Variants in DYNC1H1 observed in about 807,000 individuals in gnomAD.
The protein encoded by DYNC1H1 is cytoplasmic dynein 1 heavy chain 1.
DYNC1H1 carries 51 observed loss-of-function variants against 527.1 expected under a neutral mutation model. The observed-to-expected ratio is 0.10, with a 90% CI of 0.08 to 0.12. The LOEUF is 0.12. Ranked by LOEUF, DYNC1H1 falls within the 10% of genes least tolerant of loss-of-function variation. The probability of loss-of-function intolerance (pLI) is 1.00; values close to 1 mark genes in which losing one functional copy is unlikely to be tolerated. For synonymous variants in DYNC1H1, 2,189 were observed against 2,278.8 expected (o/e 0.96, Z 1.12); for missense variants, 2,771 against 5,971.8 (o/e 0.46, Z 17.66).
Position 102,036,749 on chromosome 14 carries a change from G to A in DYNC1H1, c.10908+107G>A, listed in dbSNP as rs1278804148. 2.8e-6 allele frequency: 4 copies of A among 1,417,016 alleles called. No individual in the cohort carries two copies. The highest frequency in any genetic ancestry group is 2.3e-5 in the East Asian group (1 of 43,658). 87.8% of individuals were successfully genotyped at this position (1,417,016 alleles called of 1,614,324 possible). On this transcript the variant is annotated intron_variant, in intron 57 of 77. Coordinates refer to ENST00000360184, the MANE Select transcript of DYNC1H1 (RefSeq NM_001376.5). This position sits in a 1 kb window ranked among gnomAD's most constrained non-coding sequence, Gnocchi z 5.6. ...TGTAAGACTTCATTTTGTATCAGAAGGATAAAGCTTTGCGGTGGTTCTGTA... is the reference window on the plus strand; with the variant it reads ...TGTAAGACTTCATTTTGTATCAGAAAGATAAAGCTTTGCGGTGGTTCTGTA...
Position 101,994,881 on chromosome 14 carries a change from C to T in DYNC1H1, c.3333+32C>T, listed in dbSNP as rs17540908. On this transcript the variant is annotated intron_variant, in intron 13 of 77. Coordinates refer to ENST00000360184, the MANE Select transcript of DYNC1H1 (RefSeq NM_001376.5). ...CCTGCTGTCTGGTTGAAAGGTGTCA[C>T]GGGTAGTGTAAAAGCAACATTTCTG... The T allele has an allele frequency of 1.5e-5, 24 of 1,613,864 alleles. No homozygotes were observed. In the South Asian group the frequency reaches 1.5e-4, roughly 10 times the overall value.
intron 5 of DYNC1H1, among the ~76,000 whole-genome samples, chr14:101,982,116 G>A (rs755722349): frequency 1.3e-5 from 2 of 152,136 alleles, no homozygotes; most frequent in Non-Finnish European, 2.9e-5. Context: ...TCTCATAGGG[G>A]CGCAAACCCT....
In DYNC1H1 at chr14:102,047,637, G is replaced by GTACATATATATATATATATA. The variant is rs1311727690; in HGVS notation, c.13007-179_13007-178insACATATATATATATATATAT. On this transcript the variant is annotated intron_variant, in intron 72 of 77. Transcript: ENST00000360184. ...TATATACACGTGTGTGTGTGTGTGTGTGTGTATATATATATATATATATAT... is the reference window on the plus strand; with the variant it reads ...TATATACACGTGTGTGTGTGTGTGTGTACATATATATATATATATATGTGTATATATATATATATATATAT... 84 of 394,252 alleles carry GTACATATATATATATATATA rather than the reference G, an allele frequency of 2.1e-4. No individual in the cohort carries two copies. In the Admixed American group the frequency reaches 2.4e-3, roughly 11 times the overall value. The allele number at this position is 394,252 out of a possible 1,614,324, so 24.4% of individuals were successfully genotyped here.
In DYNC1H1 at chr14:102,016,040, A is replaced by G; in HGVS notation, c.7427A>G (p.His2476Arg). Reference sequence around the variant, plus strand: ...AACGTGGCGCAGTATAACGCCAACCATCCCGACTTCCCCATGCAGATCGAG... The same window carrying G: ...AACGTGGCGCAGTATAACGCCAACCGTCCCGACTTCCCCATGCAGATCGAG... ...CRNVAQYNANHPDFPMQIEQL... is the reference protein window; with the variant it reads ...CRNVAQYNANRPDFPMQIEQL... Residue 2476 changes from histidine to arginine, a missense_variant, in exon 36 of 78, where the codon CAT (histidine) becomes CGT (arginine). By Grantham distance (29) the His-to-Arg change is conservative. Transcript: ENST00000360184. The surrounding 1 kb of genome is among the most constrained non-coding windows in gnomAD (Gnocchi z 7.3). The G allele has an allele frequency of 6.2e-7, 1 of 1,613,436 alleles. No homozygotes were observed. Among genetic ancestry groups the G allele is most frequent in the Non-Finnish European group, 8.5e-7 (1 of 1,179,908 alleles).
intron 9 of DYNC1H1, among the ~76,000 whole-genome samples, chr14:101,988,258 C>T (rs1048400032): frequency 6.6e-6 from 1 of 152,176 alleles, no homozygotes; most frequent in Non-Finnish European, 1.5e-5. Context: ...CTCCAGGTGT[C>T]CTCCTCTGAT....
chr14:101,995,698 C>G (rs2048052829), intron 15 of DYNC1H1, among the ~76,000 whole-genome samples: 1 of 152,050 alleles, frequency 6.6e-6, no homozygotes, highest in South Asian at 2.1e-4. Context: ...CTGACTCAAC[C>G]CTTAAGGCAC....
At position 101,997,129 on chromosome 14, in the gene DYNC1H1, C is replaced by G; in HGVS notation, c.3659C>G (p.Ala1220Gly). 1 of 1,614,176 alleles carries G rather than the reference C, an allele frequency of 6.2e-7. No individual in the cohort carries two copies. Among genetic ancestry groups the G allele is most frequent in the Non-Finnish European group, 8.5e-7 (1 of 1,180,034 alleles). The change falls in exon 16 of 78, where the codon GCC becomes GGC. Residue 1220 changes from alanine to glycine, a missense_variant. Ala to Gly is a moderately conservative substitution (Grantham distance 60). Around this residue, in one of 32 missense-constraint regions of DYNC1H1, gnomAD observed 223 missense variants for 462.5 expected, o/e 0.48. Transcript: ENST00000360184. This position sits in a 1 kb window ranked among gnomAD's most constrained non-coding sequence, Gnocchi z 4.8. Reference sequence around the variant, plus strand: ...GACAACATCGAGGGAGAGTGGGGAGCCTTCAATGACATCATGCGGCGAAAG... The same window carrying G: ...GACAACATCGAGGGAGAGTGGGGAGGCTTCAATGACATCATGCGGCGAAAG... ...YIDNIEGEWGAFNDIMRRKDS... is the reference protein window; with the variant it reads ...YIDNIEGEWGGFNDIMRRKDS...
intron 12 of DYNC1H1, 22 bp from the exon 13 acceptor site, chr14:101,994,651 T>C (rs1029339281): frequency 3.1e-6 from 5 of 1,613,650 alleles, no homozygotes; most frequent in Admixed American, 1.7e-5. Context: ...AACTATTATT[T>C]AACTGTGTTC....
chr14:102,034,263 T>G lies in DYNC1H1; in HGVS notation c.10627-62T>G, dbSNP rs1003701213. On this transcript the variant is annotated intron_variant, in intron 55 of 77. Coordinates refer to ENST00000360184, the MANE Select transcript of DYNC1H1 (RefSeq NM_001376.5). ...GCTGGTGTTTAGTGCACAGTTAGAG[T>G]CTTGAGAACAGTCCCATCTGTGGCT... 6.2e-6 allele frequency: 10 copies of G among 1,613,888 alleles called. No individual in the cohort carries two copies. The Admixed American group carries it at 1.7e-4, about 27-fold the overall frequency.
Position 102,029,994 on chromosome 14 carries a change from A to G in DYNC1H1, c.9762+56A>G. 1 of 1,613,420 alleles carries G rather than the reference A, an allele frequency of 6.2e-7. No individual in the cohort carries two copies. On this transcript the variant is annotated intron_variant, in intron 50 of 77. Coordinates refer to ENST00000360184, the MANE Select transcript of DYNC1H1 (RefSeq NM_001376.5). This position sits in a 1 kb window ranked among gnomAD's most constrained non-coding sequence, Gnocchi z 5.3. ...GACTGAGCATTTTCAGTCTCCAATG[A>G]GAGAGTAGGAAATGTAGTTCCAAAT...
At chr14:102,000,541 C>A in intron 18 of DYNC1H1, 142 bp downstream of exon 18, 1 of 743,564 alleles carries the variant, frequency 1.3e-6, no homozygotes, top group Non-Finnish European at 2.3e-6. Context: ...TTACATTATT[C>A]GTCCAAAATA....
chr14:101,996,931 G>A (rs1317897348), intron 15 of DYNC1H1, 104 bp from the exon 16 acceptor site: 16 of 1,484,272 alleles, frequency 1.1e-5, no homozygotes, highest in South Asian at 8.7e-5. Flanking sequence ...CCAGTCTTAC[G>A]TGTTTTATAA....
rs770140146 is a variant in DYNC1H1 at position 102,038,440 on chromosome 14, TCCAC to T, written c.10909-17_10909-14del. 5 of 1,613,422 alleles carry T rather than the reference TCCAC, an allele frequency of 3.1e-6. No individual in the cohort carries two copies. The South Asian group carries it at 4.4e-5, about 14-fold the overall frequency. The stretch of plus-strand genomic sequence containing the variant: ...AGTTACAAAGCCCTGACCATCAAGT[TCCAC>T]CCGTGTGGAATGCAGGATGTGGAAA... On this transcript the variant is annotated splice_polypyrimidine_tract_variant and intron_variant, in intron 57 of 77. Coordinates refer to ENST00000360184, the MANE Select transcript of DYNC1H1 (RefSeq NM_001376.5). The surrounding 1 kb of genome is among the most constrained non-coding windows in gnomAD (Gnocchi z 7.2).
In DYNC1H1 at chr14:102,015,740, T is replaced by C; in HGVS notation, c.7243-116T>C. 3 of 1,160,696 alleles carry C rather than the reference T, an allele frequency of 2.6e-6. No individual in the cohort carries two copies. Among genetic ancestry groups the C allele is most frequent in the Non-Finnish European group, 3.7e-6 (3 of 801,594 alleles). The allele number at this position is 1,160,696 out of a possible 1,614,324, so 71.9% of individuals were successfully genotyped here. ...AGGAATGAGGACTGGTCATTGAAGCTTCATCCAAAATGAGTTTTCCAAGGT... is the reference window on the plus strand; with the variant it reads ...AGGAATGAGGACTGGTCATTGAAGCCTCATCCAAAATGAGTTTTCCAAGGT... On this transcript the variant is annotated intron_variant, in intron 35 of 77. Transcript: ENST00000360184. This position sits in a 1 kb window ranked among gnomAD's most constrained non-coding sequence, Gnocchi z 6.9.
intron 41 of DYNC1H1, among the ~76,000 whole-genome samples, chr14:102,019,291 G>A (rs927714390): frequency 6.6e-6 from 1 of 152,198 alleles, no homozygotes; most frequent in African/African-American, 2.4e-5. Flanking sequence ...CCCATTTGGT[G>A]AGAAATGACT....
At chr14:102,031,309 C>T (rs1202941008) in intron 51 of DYNC1H1, among the ~76,000 whole-genome samples, 1 of 152,204 alleles carries the variant, frequency 6.6e-6, no homozygotes. Context: ...CCATGGCTCA[C>T]TGTAGCCTCA....
chr14:101,991,389 C>T lies in DYNC1H1; in HGVS notation c.2869-138C>T, dbSNP rs542546840. ...TGGGAGGCTTAGAATTGCTTGAACC[C>T]GGGAGGCGGAGGTTACAGTGAGCCA... On this transcript the variant is annotated intron_variant, in intron 10 of 77. Coordinates refer to ENST00000360184, the MANE Select transcript of DYNC1H1 (RefSeq NM_001376.5). The T allele has an allele frequency of 6.7e-5, 67 of 992,892 alleles. 1 individual carries two copies. Among genetic ancestry groups the T allele is most frequent in the South Asian group, 2.2e-4 (15 of 69,550 alleles). 61.5% of individuals were successfully genotyped at this position (992,892 alleles called of 1,614,324 possible).
Position 102,049,062 on chromosome 14 carries a change from A to C in DYNC1H1, c.13373-378A>C. Reference sequence around the variant, plus strand: ...CAGGCGGGCATGGGGGGCTCATCCAAAGTTGTGGGGAGCCCCCAGCATCCT... The same window carrying C: ...CAGGCGGGCATGGGGGGCTCATCCACAGTTGTGGGGAGCCCCCAGCATCCT... On this transcript the variant is annotated intron_variant, in intron 74 of 77. Transcript: ENST00000360184. This position sits in a 1 kb window ranked among gnomAD's most constrained non-coding sequence, Gnocchi z 5.5. 2.4e-6 allele frequency: 1 copy of C among 425,236 alleles called. No individual in the cohort carries two copies. Among genetic ancestry groups the C allele is most frequent in the Non-Finnish European group, 4.4e-6 (1 of 227,340 alleles). 26.3% of individuals were successfully genotyped at this position (425,236 alleles called of 1,614,324 possible).
At position 102,044,077 on chromosome 14, in the gene DYNC1H1, G is replaced by A; in HGVS notation, c.12684+32G>A. 1.2e-6 allele frequency: 2 copies of A among 1,611,768 alleles called. No homozygotes were observed. Among genetic ancestry groups the A allele is most frequent in the Non-Finnish European group, 1.7e-6 (2 of 1,179,884 alleles). ...GTGGGCCATGCCAGGACAGACAGTG[G>A]ACGTGTATCTGGGAAGGATGCTGCA... On this transcript the variant is annotated intron_variant, in intron 70 of 77. Coordinates refer to ENST00000360184, the MANE Select transcript of DYNC1H1 (RefSeq NM_001376.5). The surrounding 1 kb of genome is among the most constrained non-coding windows in gnomAD (Gnocchi z 7.1).
Sources: allele counts gnomAD v4.1 joint callset (sites outside exome capture counted in the v4.1 genomes callset), GRCh38; gene constraint gnomAD v4.1.1; regional missense constraint gnomAD v4.1.1; non-coding constraint Gnocchi (gnomAD v3.1); transcripts MANE v1.5; gene names NCBI Gene and HGNC (gene_info 2026-07-23, HGNC 2026-07-21).